SLC67A1: variants seen among roughly 807,000 people sequenced by gnomAD.
The protein encoded by SLC67A1 is solute carrier family 67 member A1.
chr11:2,921,806 G>A, the SLC67A1 span: 5 of 340,040 alleles, frequency 1.5e-5, no homozygotes, highest in South Asian at 6.2e-5. Flanking sequence ...AGCAGCCTGC[G>A]GCCGAGCCTG....
At chr11:2,908,840 A>G in the SLC67A1 span, among the ~76,000 whole-genome samples, 1 of 152,320 alleles carries the variant, frequency 6.6e-6, no homozygotes, top group South Asian at 2.1e-4. Context: ...GGCCCAGAAC[A>G]GAAGGGAGAA....
At chr11:2,903,417 G>A in the SLC67A1 span, 60 of 1,613,130 alleles carry the variant, frequency 3.7e-5, no homozygotes, top group East Asian at 3.6e-4. Context: ...GCCGGTCCTC[G>A]GTCATCTTGC....
At chr11:2,918,717 CTT>C in the SLC67A1 span, among the ~76,000 whole-genome samples, 4 of 151,508 alleles carry the variant, frequency 2.6e-5, no homozygotes, top group Non-Finnish European at 4.4e-5. Context: ...TTTGAGGGCC[CTT>C]TTTTTTTTGA....
At chr11:2,902,511 G>A in the SLC67A1 span, 1 of 907,046 alleles carries the variant, frequency 1.1e-6, no homozygotes, top group Non-Finnish European at 1.3e-6. Flanking sequence ...CCCGGGATGG[G>A]GGAGGGCGCC....
At chr11:2,908,376 C>T in the SLC67A1 span, 1 of 1,441,774 alleles carries the variant, frequency 6.9e-7, no homozygotes, top group Non-Finnish European at 9.6e-7. Flanking sequence ...GTGACCCAGG[C>T]CCCCTCTCAG....
chr11:2,916,728 G>T, the SLC67A1 span: 4 of 1,612,832 alleles, frequency 2.5e-6, no homozygotes, highest in South Asian at 1.1e-5. Context: ...TGACGCCCAG[G>T]CTCCACTGCC....
chr11:2,908,150 AC>A, the SLC67A1 span: 2 of 792,496 alleles, frequency 2.5e-6, no homozygotes, highest in East Asian at 2.8e-5. Flanking sequence ...GTCCCCTCCC[AC>A]CCCCTGCCCA....
chr11:2,912,296 G>A, the SLC67A1 span, among the ~76,000 whole-genome samples: 1 of 152,240 alleles, frequency 6.6e-6, no homozygotes, highest in Admixed American at 6.5e-5. Flanking sequence ...GCTCACCGAA[G>A]GCAGTGGGGC....
the SLC67A1 span, among the ~76,000 whole-genome samples, chr11:2,915,722 G>A: frequency 0.075 from 11,470 of 152,282 alleles, 566 homozygotes; most frequent in Admixed American, 0.13. Flanking sequence ...GAGGAAGGCC[G>A]TGGCGGTCCG....
At chr11:2,905,449 C>T in the SLC67A1 span, among the ~76,000 whole-genome samples, 2 of 152,112 alleles carry the variant, frequency 1.3e-5, no homozygotes, top group Non-Finnish European at 2.9e-5. Flanking sequence ...TTTGTCCTTG[C>T]AATAGTTTGC....
At chr11:2,900,507 C>T in the SLC67A1 span, among the ~76,000 whole-genome samples, 1 of 151,804 alleles carries the variant, frequency 6.6e-6, no homozygotes, top group Non-Finnish European at 1.5e-5. Context: ...TCCTGGCTAA[C>T]ACGGTGAAAC....
the SLC67A1 span, among the ~76,000 whole-genome samples, chr11:2,913,418 G>GC: frequency 6.6e-6 from 1 of 152,174 alleles, no homozygotes; most frequent in South Asian, 2.1e-4. Context: ...GGGCAGGAGG[G>GC]AGCTTGTGGT....
the SLC67A1 span, chr11:2,916,607 G>A: frequency 8.7e-6 from 14 of 1,604,186 alleles, no homozygotes; most frequent in South Asian, 1.3e-4. Flanking sequence ...GTGCAGCCGA[G>A]GCTGTTGCCC....
chr11:2,902,901 C>T, the SLC67A1 span, among the ~76,000 whole-genome samples: 35 of 152,332 alleles, frequency 2.3e-4, no homozygotes, highest in African/African-American at 8.4e-4. Flanking sequence ...GCACAGGGAC[C>T]CACATCAGCC....
At chr11:2,904,269 C>T in the SLC67A1 span, among the ~76,000 whole-genome samples, 1 of 152,226 alleles carries the variant, frequency 6.6e-6, no homozygotes, top group East Asian at 1.9e-4. Context: ...CAGCTGCCCT[C>T]CTCCTCTCAG....
At chr11:2,903,986 A>T in the SLC67A1 span, among the ~76,000 whole-genome samples, 1 of 152,222 alleles carries the variant, frequency 6.6e-6, no homozygotes, top group Non-Finnish European at 1.5e-5. Flanking sequence ...TTTTTCTTGC[A>T]AGAGATAGAA....
At chr11:2,902,901 C>A in the SLC67A1 span, among the ~76,000 whole-genome samples, 15 of 152,214 alleles carry the variant, frequency 9.9e-5, no homozygotes, top group African/African-American at 3.6e-4. Flanking sequence ...GCACAGGGAC[C>A]CACATCAGCC....
the SLC67A1 span, chr11:2,914,976 G>A: frequency 1.0e-6 from 1 of 985,330 alleles, no homozygotes; most frequent in African/African-American, 1.7e-5. Flanking sequence ...CAAAGGAAGG[G>A]CCCATTCGTG....
the SLC67A1 span, among the ~76,000 whole-genome samples, chr11:2,904,043 A>G: frequency 6.6e-6 from 1 of 152,230 alleles, no homozygotes; most frequent in Non-Finnish European, 1.5e-5. Context: ...GAAACATTTC[A>G]TTGGCAAATT....
Sources: allele counts gnomAD v4.1 joint callset (sites outside exome capture counted in the v4.1 genomes callset), GRCh38; gene constraint gnomAD v4.1.1; transcripts MANE v1.5; gene names NCBI Gene and HGNC (gene_info 2026-07-23, HGNC 2026-07-21).